Variants in TSPAN18 observed in about 807,000 individuals in gnomAD.
TSPAN18 encodes the protein tetraspanin 18.
In TSPAN18, 14 loss-of-function variants were observed where a neutral mutation model predicts 27.3. That is an observed-to-expected ratio of 0.51 (90% CI 0.34 to 0.80). The LOEUF (loss-of-function observed/expected upper bound fraction) is 0.80, where lower values mean the gene tolerates loss of function less well. TSPAN18 is among the 30% of genes least tolerant of loss of function. The probability of loss-of-function intolerance (pLI) is 0.01; values close to 1 mark genes in which losing one functional copy is unlikely to be tolerated. For missense variants in TSPAN18, 268 were observed against 323.9 expected (o/e 0.83, Z 1.32); for synonymous variants, 143 against 136.5 (o/e 1.05, Z -0.33).
At chr11:44,839,854 C>T (rs1857336091) in intron 2 of TSPAN18, among the ~76,000 whole-genome samples, 1 of 152,098 alleles carries the variant, frequency 6.6e-6, no homozygotes, top group Non-Finnish European at 1.5e-5. Flanking sequence ...TTGTTGATTC[C>T]CCGGTGCTCC....
At chr11:44,770,334 C>T (rs1363553397) in intron 2 of TSPAN18, among the ~76,000 whole-genome samples, 1 of 151,968 alleles carries the variant, frequency 6.6e-6, no homozygotes, top group Non-Finnish European at 1.5e-5. Flanking sequence ...GGAAGGCCTT[C>T]CTAATCAGAT....
At chr11:44,903,314 A>T (rs972842390) in intron 3 of TSPAN18, 1 of 420,974 alleles carries the variant, frequency 2.4e-6, no homozygotes, top group Non-Finnish European at 4.8e-6. Flanking sequence ...AACAGAAGGG[A>T]TCAGCATGAG....
chr11:44,928,545 T>G (rs1004485574), intron 9 of TSPAN18, among the ~76,000 whole-genome samples: 2 of 152,150 alleles, frequency 1.3e-5, no homozygotes, highest in African/African-American at 2.4e-5. Context: ...CCTAGCACTT[T>G]GGGAGGCCGA....
intron 2 of TSPAN18, among the ~76,000 whole-genome samples, chr11:44,808,775 G>A (rs146980336): frequency 5.3e-5 from 8 of 152,082 alleles, no homozygotes; most frequent in African/African-American, 1.2e-4. Flanking sequence ...TCTCGGTTCC[G>A]TCTCCCTCAC....
intron 1 of TSPAN18, among the ~76,000 whole-genome samples, chr11:44,741,278 C>G (rs1854926300): frequency 6.6e-6 from 1 of 152,188 alleles, no homozygotes; most frequent in South Asian, 2.1e-4. Context: ...CTTCTCAAAG[C>G]AGTTTAATGA....
Position 44,810,604 on chromosome 11 carries a change from CT to C in TSPAN18, c.-153+46107del, listed in dbSNP as rs34519569. ...TGAGCACCTGTTTTCAATTTTTTTT[CT>C]TTTTTTTTTTTTTTGAGACAGGGTC... is the stretch of plus-strand genomic sequence containing the variant. On this transcript the variant is annotated intron_variant, in intron 2 of 9. Coordinates refer to ENST00000520358, the MANE Select transcript of TSPAN18 (RefSeq NM_130783.5). Among the ~76,000 whole-genome samples the C allele has an allele frequency of 5.2e-3, 717 of 138,370 alleles. 2 individuals are homozygous for C. The highest frequency in any genetic ancestry group is 0.013 in the African/African-American group (496 of 37,534). 90.8% of individuals were successfully genotyped at this position (138,370 alleles called of 152,430 possible). A position where few individuals can be genotyped will look rare whatever the true frequency, so the allele number is the denominator to read the frequency against.
chr11:44,772,145 C>T (rs552548589), intron 2 of TSPAN18, among the ~76,000 whole-genome samples: 1 of 152,238 alleles, frequency 6.6e-6, no homozygotes, highest in Admixed American at 6.5e-5. Context: ...TGGGGAGGGC[C>T]ATTTGCTTTA....
chr11:44,793,165 AG>A (rs1375778647), intron 2 of TSPAN18, among the ~76,000 whole-genome samples: 8 of 152,316 alleles, frequency 5.3e-5, no homozygotes, highest in Admixed American at 1.3e-4. Flanking sequence ...CAGTCTCCCA[AG>A]AAGCTGGGCT....
chr11:44,811,175 C>CAG (rs1554986590), intron 2 of TSPAN18, among the ~76,000 whole-genome samples: 1 of 149,426 alleles, frequency 6.7e-6, no homozygotes, highest in African/African-American at 2.5e-5. Flanking sequence ...CACACACACA[C>CAG]CCCTGCCTGT....
intron 2 of TSPAN18, among the ~76,000 whole-genome samples, chr11:44,793,676 C>T (rs1040993466): frequency 6.6e-6 from 1 of 152,206 alleles, no homozygotes; most frequent in Non-Finnish European, 1.5e-5. Flanking sequence ...CTAAGCCCTC[C>T]TCTCCACTTG....
At chr11:44,739,585 A>G (rs1368688537) in intron 1 of TSPAN18, among the ~76,000 whole-genome samples, 21 of 152,230 alleles carry the variant, frequency 1.4e-4, no homozygotes, top group Admixed American at 1.2e-3. Flanking sequence ...AATTACGCCA[A>G]TGCATTCCAG....
intron 8 of TSPAN18, among the ~76,000 whole-genome samples, chr11:44,920,905 A>G (rs1031994990): frequency 2.0e-5 from 3 of 152,250 alleles, no homozygotes; most frequent in Non-Finnish European, 4.4e-5. Flanking sequence ...TCACATGGTC[A>G]TGATTGCTGC....
At chr11:44,909,922 C>A in intron 5 of TSPAN18, 23 bp downstream of exon 5, 1 of 1,594,058 alleles carries the variant, frequency 6.3e-7, no homozygotes, top group Non-Finnish European at 8.6e-7. Flanking sequence ...GCCCCCACCC[C>A]ATCCATGGGT....
intron 2 of TSPAN18, among the ~76,000 whole-genome samples, chr11:44,846,323 T>C (rs1857479809): frequency 6.6e-6 from 1 of 152,252 alleles, no homozygotes; most frequent in Non-Finnish European, 1.5e-5. Flanking sequence ...CGCCTCAACA[T>C]ACACCTCTGA....
At chr11:44,884,528 T>G (rs1858586047) in intron 3 of TSPAN18, among the ~76,000 whole-genome samples, 3 of 152,180 alleles carry the variant, frequency 2.0e-5, no homozygotes, top group Non-Finnish European at 4.4e-5. Flanking sequence ...ATCCCCCCTG[T>G]GCGGTTCAGC....
At chr11:44,824,288 A>C (rs936949522) in intron 2 of TSPAN18, among the ~76,000 whole-genome samples, 8 of 152,194 alleles carry the variant, frequency 5.3e-5, no homozygotes, top group African/African-American at 1.7e-4. Flanking sequence ...GGTCCTGGCT[A>C]TTCATTTGTC....
chr11:44,833,349 C>T (rs1394107135), intron 2 of TSPAN18, among the ~76,000 whole-genome samples: 4 of 152,038 alleles, frequency 2.6e-5, no homozygotes, highest in Non-Finnish European at 5.9e-5. Context: ...AAAGCCCCTA[C>T]CTCTGAGCAA....
Position 44,906,496 on chromosome 11 carries a change from C to T in TSPAN18, c.63+17C>T, listed in dbSNP as rs757813115. On this transcript the variant is annotated intron_variant, in intron 4 of 9. Transcript: ENST00000520358. ...TTCATATTTGTAAGTATTCCTGGGT[C>T]TTCCCAGGCCTCTGCTGGGTGGGCA... The T allele has an allele frequency of 1.2e-6, 2 of 1,604,954 alleles. No individual in the cohort carries two copies. Among genetic ancestry groups the T allele is most frequent in the East Asian group, 2.2e-5 (1 of 44,834 alleles).
chr11:44,746,609 T>C (rs965228163), intron 1 of TSPAN18, among the ~76,000 whole-genome samples: 2 of 151,870 alleles, frequency 1.3e-5, no homozygotes, highest in African/African-American at 4.8e-5. Context: ...AAATAAAAAT[T>C]AGCTGCAGAT....
Sources: gnomAD v4.1 joint callset for allele counts (sites outside exome capture counted in the v4.1 genomes callset) on GRCh38, gnomAD v4.1.1 for gene constraint, MANE v1.5 for transcripts, NCBI Gene and HGNC (gene_info 2026-07-23, HGNC 2026-07-21) for gene names.